Variants in RBBP7 observed in about 807,000 individuals in gnomAD.
RBBP7 encodes the protein RB binding protein 7, chromatin remodeling factor, also known as histone-binding protein RBBP7.
Under a neutral mutation model 35.2 loss-of-function variants are expected in RBBP7, and 5 were observed. The observed-to-expected ratio is 0.14, with a 90% CI of 0.07 to 0.30. The LOEUF is 0.30. Ranked by LOEUF, RBBP7 falls within the 10% of genes least tolerant of loss-of-function variation. RBBP7 has a pLI of 1.00. For synonymous variants in RBBP7, 140 were observed against 118.7 expected, an observed-to-expected ratio of 1.18 and a Z score of -1.17; for missense variants, 155 against 327.5, an observed-to-expected ratio of 0.47 and a Z score of 4.07.
At chrX:16,869,917 G>C (rs1930737791) in intron 1 of RBBP7, 121 bp downstream of exon 1, 1 of 764,056 alleles carries the variant, frequency 1.3e-6, no homozygotes, top group Admixed American at 8.4e-5. Flanking sequence ...GCCCAGTCTC[G>C]CGCCCGGCCC....
intron 2 of RBBP7, among the ~76,000 whole-genome samples, chrX:16,864,975 C>A (rs755054440): frequency 1.0e-5 from 1 of 98,957 alleles, no homozygotes; most frequent in Non-Finnish European, 2.0e-5. Flanking sequence ...GCTGTGCACC[C>A]GTAGTACCAG....
Position 16,858,078 on chromosome X carries a change from G to A in RBBP7, c.482-369C>T, listed in dbSNP as rs532538437. Among the ~76,000 whole-genome samples, 3 of 111,571 alleles carry A rather than the reference G, an allele frequency of 2.7e-5. No homozygotes were observed. In the South Asian group the frequency reaches 1.1e-3, roughly 42 times the overall value. ...TGACCCTTGGCCAACCCCTGGGAATGTGACCCTCAGAAAGTTCTTCACGTC... is the reference window on the plus strand; with the variant it reads ...TGACCCTTGGCCAACCCCTGGGAATATGACCCTCAGAAAGTTCTTCACGTC... On this transcript the variant is annotated intron_variant, in intron 4 of 11. Coordinates refer to ENST00000380087, the MANE Select transcript of RBBP7 (RefSeq NM_002893.4).
At chrX:16,846,790 G>T (rs1930088618) in intron 10 of RBBP7, 1 of 112,047 alleles carries the variant, frequency 8.9e-6, no homozygotes. Context: ...CTGCCAACTA[G>T]GTATTATGCA....
intron 1 of RBBP7, chrX:16,869,528 T>C (rs763380272): frequency 2.6e-6 from 3 of 1,167,045 alleles, no homozygotes; most frequent in Non-Finnish European, 2.3e-6. Context: ...GTACAGGGGC[T>C]GCGCGACCCA....
Position 16,863,022 on chromosome X carries a change from A to C in RBBP7, c.240T>G (p.Val80=). The change falls in exon 3 of 12, where the codon GTT becomes GTG. Residue 80 remains valine, a synonymous_variant. Transcript: ENST00000380087. ...HTSDEQNHLV[V]ARVHIPNDDA... is the part of the protein sequence containing the mutation. ...CATCATTGGGAATATGTACTCGAGC[A>C]ACCACCAGATGATTCTGCTCATCAG... is the stretch of plus-strand genomic sequence containing the variant. The C allele has an allele frequency of 8.3e-7, 1 of 1,210,640 alleles. No homozygotes were observed.
chrX:16,852,195 T>C (rs1930225453), intron 8 of RBBP7, 73 bp from the exon 9 acceptor site: 1 of 920,476 alleles, frequency 1.1e-6, no homozygotes, highest in African/African-American at 1.9e-5. Context: ...TGTTCTAATC[T>C]GATATTTTCC....
At chrX:16,861,648 G>A (rs1483918135) in intron 3 of RBBP7, among the ~76,000 whole-genome samples, 4 of 111,932 alleles carry the variant, frequency 3.6e-5, no homozygotes, top group Non-Finnish European at 7.5e-5. Flanking sequence ...CACCTGGCCA[G>A]TATTTTATTT....
At chrX:16,864,885 A>G (rs1444113499) in intron 2 of RBBP7, among the ~76,000 whole-genome samples, 2 of 109,272 alleles carry the variant, frequency 1.8e-5, no homozygotes, top group Admixed American at 2.0e-4. Flanking sequence ...TCTAAGCAAC[A>G]TACTTTATGA....
intron 9 of RBBP7, among the ~76,000 whole-genome samples, chrX:16,849,799 T>TA (rs757291998): frequency 8.9e-6 from 1 of 112,520 alleles, no homozygotes; most frequent in East Asian, 2.8e-4. Flanking sequence ...GCAATCCCTA[T>TA]ACTTCACTCA....
At chrX:16,853,113 C>T in intron 6 of RBBP7, 1 of 403,551 alleles carries the variant, frequency 2.5e-6, no homozygotes, top group Non-Finnish European at 4.1e-6. Flanking sequence ...TAATTACCAA[C>T]TATTTCAAGT....
At chrX:16,849,152 G>C in intron 10 of RBBP7, 92 bp downstream of exon 10, 1 of 860,649 alleles carries the variant, frequency 1.2e-6, no homozygotes, top group South Asian at 2.8e-5. Flanking sequence ...GCAAGAGCTA[G>C]AATTCGAAGT....
chrX:16,858,897 T>C, intron 3 of RBBP7, 48 bp from the exon 4 acceptor site: 1 of 1,184,805 alleles, frequency 8.4e-7, no homozygotes, highest in Non-Finnish European at 1.1e-6. Context: ...AGGATTAAAA[T>C]TCACAAATCA....
chrX:16,853,986 GA>G, intron 5 of RBBP7, 144 bp from the exon 6 acceptor site: 3 of 428,999 alleles, frequency 7.0e-6, no homozygotes, highest in Non-Finnish European at 1.0e-5. Context: ...GGGCTCAAGC[GA>G]TTCTCCTGCC....
At position 16,857,858 on chromosome X, in the gene RBBP7, C is replaced by T. The variant is rs141054641; in HGVS notation, c.482-149G>A. ...ACCCAATGCAAATTGAGCCTCATGA[C>T]CATTAGATGATTGGTTTCTTTGGAA... On this transcript the variant is annotated intron_variant, in intron 4 of 11. Transcript: ENST00000380087. The T allele has an allele frequency of 7.0e-4, 582 of 827,826 alleles. 1 individual carries two copies. The African/African-American group carries it at 0.011, about 16-fold the overall frequency. The allele number at this position is 827,826 out of a possible 1,213,427, so 68.2% of individuals were successfully genotyped here.
chrX:16,856,178 G>A (rs942275569), intron 5 of RBBP7, among the ~76,000 whole-genome samples: 1 of 110,278 alleles, frequency 9.1e-6, no homozygotes, highest in Non-Finnish European at 1.9e-5. Context: ...ATATGCAAAT[G>A]GCCAGTAAGT....
intron 9 of RBBP7, among the ~76,000 whole-genome samples, chrX:16,851,159 G>T (rs771543480): frequency 1.8e-3 from 192 of 107,979 alleles, no homozygotes; most frequent in African/African-American, 6.2e-3. Context: ...AAAAGAAAAA[G>T]AAGAAGAATT....
chrX:16,846,198 G>A, intron 10 of RBBP7: 1 of 255,603 alleles, frequency 3.9e-6, no homozygotes, highest in Non-Finnish European at 6.6e-6. Flanking sequence ...CATAACTGAT[G>A]CTTTATCCAT....
intron 2 of RBBP7, among the ~76,000 whole-genome samples, chrX:16,866,515 G>C (rs1213703110): frequency 3.1e-5 from 2 of 64,000 alleles, no homozygotes; most frequent in Non-Finnish European, 5.3e-5. Context: ...GACAGAGCGA[G>C]ACTGTCTCAA....
At chrX:16,849,045 A>C in intron 10 of RBBP7, 199 bp downstream of exon 10, 1 of 354,245 alleles carries the variant, frequency 2.8e-6, no homozygotes, top group East Asian at 4.4e-5. Context: ...TTCTCAGTGA[A>C]ACATTCATAA....
Sources: gnomAD v4.1 joint callset for allele counts (sites outside exome capture counted in the v4.1 genomes callset) on GRCh38, gnomAD v4.1.1 for gene constraint, MANE v1.5 for transcripts, NCBI Gene and HGNC (gene_info 2026-07-23, HGNC 2026-07-21) for gene names.